PROM1: variants seen among roughly 807,000 people sequenced by gnomAD.
PROM1 encodes the protein prominin-1.
A neutral mutation model predicts 116.9 loss-of-function variants in PROM1; 105 were observed. The observed-to-expected ratio is 0.90, with a 90% CI of 0.77 to 1.06. The LOEUF is 1.06. PROM1 is among the 50% of genes least tolerant of loss of function. The pLI is 0.00. For synonymous variants in PROM1, 393 were observed against 387.0 expected (o/e 1.02, Z -0.18); for missense variants, 1,122 against 1,045.2 (o/e 1.07, Z -1.01).
At chr4:16,068,116 G>A (rs1430138294) in intron 2 of PROM1, among the ~76,000 whole-genome samples, 1 of 152,142 alleles carries the variant, frequency 6.6e-6, no homozygotes, top group Non-Finnish European at 1.5e-5. Context: ...AGAGAATCCA[G>A]GTGAGGGCTG....
intron 2 of PROM1, among the ~76,000 whole-genome samples, chr4:16,048,340 T>C (rs1008528598): frequency 7.9e-5 from 12 of 152,224 alleles, no homozygotes; most frequent in South Asian, 2.1e-4. Context: ...CTGAGTGATA[T>C]GCATTGAAAA....
rs1578336125 is a variant in PROM1, at chr4:16,076,004, G to A, written c.-98C>T. On this transcript the variant is annotated 5_prime_UTR_variant, in exon 2 of 28. Transcript: ENST00000447510. ...AAGGCAAGCGTGTTCCTGGGCAGAA[G>A]AGGAGCAGGAAGCACTGGATCTGCT... 2.7e-6 allele frequency: 4 copies of A among 1,459,940 alleles called. No homozygotes were observed. The highest frequency in any genetic ancestry group is 5.0e-5 in the East Asian group (2 of 40,246). 90.4% of individuals were successfully genotyped at this position (1,459,940 alleles called of 1,614,324 possible). A position where few individuals can be genotyped will look rare whatever the true frequency, so the allele number is the denominator to read the frequency against.
chr4:16,050,606 G>A (rs937460812), intron 2 of PROM1, among the ~76,000 whole-genome samples: 1 of 152,066 alleles, frequency 6.6e-6, no homozygotes, highest in Non-Finnish European at 1.5e-5. Flanking sequence ...TCCCCACCTC[G>A]GCCTCCCGAA....
chr4:15,984,956 G>A (rs978508528), intron 22 of PROM1, among the ~76,000 whole-genome samples: 2 of 152,152 alleles, frequency 1.3e-5, no homozygotes, highest in African/African-American at 4.8e-5. Context: ...AAAAGGCTGG[G>A]GACTGCTGCT....
At position 15,984,079 on chromosome 4, in the gene PROM1, G is replaced by T. The variant is rs2302168; in HGVS notation, c.2373+184C>A. On this transcript the variant is annotated intron_variant, in intron 23 of 27. Transcript: ENST00000447510. ...AAATATAATCCTAGTGAGGAAAGAA[G>T]ACAACCGCCCAGAACTTTGACTTTT... Among the ~76,000 whole-genome samples, 683 of 152,322 alleles carry T rather than the reference G, an allele frequency of 4.5e-3. 25 individuals carry two copies. In the East Asian group the frequency reaches 0.1, roughly 23 times the overall value.
At chr4:15,999,503 T>A (rs1723198200) in intron 14 of PROM1, among the ~76,000 whole-genome samples, 1 of 152,050 alleles carries the variant, frequency 6.6e-6, no homozygotes. Context: ...ACTCTCTGCC[T>A]CTGCATCATA....
chr4:15,984,443 T>C (rs745741091), intron 22 of PROM1, 88 bp from the exon 23 acceptor site: 10 of 978,046 alleles, frequency 1.0e-5, no homozygotes, highest in Non-Finnish European at 1.5e-5. Context: ...TGACTTGGTG[T>C]CACAAAAAGG....
chr4:15,979,473 A>G lies in PROM1; in HGVS notation c.2514-10T>C. On this transcript the variant is annotated splice_polypyrimidine_tract_variant and intron_variant, in intron 25 of 27. Transcript: ENST00000447510. The stretch of plus-strand genomic sequence containing the variant: ...ATTACCATTTTCCATACTGTAACAG[A>G]AATAAATACACCAAAAACACCATGT... The G allele has an allele frequency of 6.2e-7, 1 of 1,603,428 alleles. No homozygotes were observed. Among genetic ancestry groups the G allele is most frequent in the South Asian group, 1.1e-5 (1 of 89,218 alleles).
chr4:16,033,377 G>A lies in PROM1; in HGVS notation c.436C>T (p.Arg146Ter), dbSNP rs780697796. Reference protein sequence around the residue: ...CNKCGGEMHQRQKENGPFLRK... With the variant: ...CNKCGGEMHQ Reference sequence around the variant, plus strand: ...AGGAAGGGCCCATTTTCCTTCTGTCGCTGGTGCATTTCTCCACCACATTTG... The same window carrying A: ...AGGAAGGGCCCATTTTCCTTCTGTCACTGGTGCATTTCTCCACCACATTTG... The change falls in exon 5 of 28, where the codon CGA becomes TGA. Residue 146 changes from arginine to a stop codon, truncating the protein, a stop_gained. Transcript: ENST00000447510. LOFTEE classifies it high-confidence loss of function. 21 of 1,613,638 alleles carry A rather than the reference G, an allele frequency of 1.3e-5. No individual in the cohort carries two copies. Among genetic ancestry groups the A allele is most frequent in the East Asian group, 2.2e-5 (1 of 44,876 alleles).
intron 3 of PROM1, among the ~76,000 whole-genome samples, chr4:16,036,645 AG>A (rs1432949204): frequency 6.6e-6 from 1 of 152,304 alleles, no homozygotes; most frequent in East Asian, 1.9e-4. Context: ...ACAGCACATG[AG>A]TCAGAAGATA....
intron 11 of PROM1, among the ~76,000 whole-genome samples, chr4:16,011,707 T>C (rs1294416314): frequency 6.6e-6 from 1 of 152,192 alleles, no homozygotes; most frequent in East Asian, 1.9e-4. Flanking sequence ...GGTTAGCACA[T>C]CAAAGTCTGA....
chr4:16,033,157 G>T (rs924326481), intron 5 of PROM1, 147 bp downstream of exon 5: 3 of 663,106 alleles, frequency 4.5e-6, no homozygotes, highest in Non-Finnish European at 7.5e-6. Context: ...CTAGACAAGC[G>T]CTTGTGCTCT....
chr4:15,986,023 C>A lies in PROM1; in HGVS notation c.2145G>T (p.Arg715Ser), dbSNP rs1451107090. The change falls in exon 21 of 28, where the codon AGG (arginine) becomes AGT (serine). Residue 715 changes from arginine (R) to serine (S), a missense_variant. Arg to Ser is a moderately radical substitution (Grantham distance 110, BLOSUM62 -1). Transcript: ENST00000447510. ...TGNGLLERVT[R>S]ILASLDFAQN... ...GAGCAAAATCCAGAGAAGCTAGAAT[C>A]CTAGTTACTCTCTCCTGAAAGACAC... is the stretch of plus-strand genomic sequence containing the variant. 6.4e-7 allele frequency: 1 copy of A among 1,572,428 alleles called. No homozygotes were observed. Among genetic ancestry groups the A allele is most frequent in the Non-Finnish European group, 8.7e-7 (1 of 1,151,060 alleles).
chr4:16,006,479 G>A (rs1027109171), intron 13 of PROM1, 59 bp downstream of exon 13: 56 of 1,503,208 alleles, frequency 3.7e-5, no homozygotes, highest in Non-Finnish European at 4.3e-5. Context: ...ACCAGAGTCA[G>A]CACCCAGTCT....
intron 14 of PROM1, among the ~76,000 whole-genome samples, chr4:16,000,238 T>A (rs948697403): frequency 1.3e-5 from 2 of 152,218 alleles, no homozygotes; most frequent in Admixed American, 6.5e-5. Context: ...GCGGCAGGAC[T>A]TTAACTCCTG....
intron 1 of PROM1, among the ~76,000 whole-genome samples, chr4:16,079,624 G>GT (rs1744624657): frequency 1.3e-5 from 2 of 152,132 alleles, no homozygotes; most frequent in African/African-American, 4.8e-5. Flanking sequence ...ATAAAATGGG[G>GT]TGTTTAGTTG....
intron 2 of PROM1, among the ~76,000 whole-genome samples, chr4:16,050,607 G>A (rs770652833): frequency 7.0e-4 from 106 of 152,168 alleles, no homozygotes; most frequent in Admixed American, 1.3e-3. Flanking sequence ...CCCCACCTCG[G>A]CCTCCCGAAA....
intron 22 of PROM1, among the ~76,000 whole-genome samples, chr4:15,985,193 G>C (rs1185985525): frequency 6.6e-6 from 1 of 152,156 alleles, no homozygotes; most frequent in Non-Finnish European, 1.5e-5. Flanking sequence ...GGTATTATAA[G>C]TAATCTAGAG....
Position 15,980,260 on chromosome 4 carries a change from A to C in PROM1, c.2489+162T>G, listed in dbSNP as rs750465301. On this transcript the variant is annotated intron_variant, in intron 24 of 27. Coordinates refer to ENST00000447510, the MANE Select transcript of PROM1 (RefSeq NM_006017.3). ...AAACAAGTATAGAAAAATCAGTACCAAGAAAAAAAAATTCACCTGAACAGA... is the reference window on the plus strand; with the variant it reads ...AAACAAGTATAGAAAAATCAGTACCCAGAAAAAAAAATTCACCTGAACAGA... 42 of 603,482 alleles carry C rather than the reference A, an allele frequency of 7.0e-5. 1 individual carries two copies. The East Asian group carries it at 1.2e-3, about 17-fold the overall frequency. 37.4% of individuals were successfully genotyped at this position (603,482 alleles called of 1,614,324 possible).
Sources: gnomAD v4.1 joint callset for allele counts (sites outside exome capture counted in the v4.1 genomes callset) on GRCh38, gnomAD v4.1.1 for gene constraint, MANE v1.5 for transcripts, NCBI Gene and HGNC (gene_info 2026-07-23, HGNC 2026-07-21) for gene names.